FRMD7: variants seen among roughly 807,000 people sequenced by gnomAD.
FRMD7 encodes FERM domain-containing protein 7.
FRMD7 carries 14 observed loss-of-function variants against 44.1 expected under a neutral mutation model. The ratio of observed to expected loss-of-function variants is 0.32; its 90% CI spans 0.21 to 0.50. FRMD7 has a LOEUF of 0.50. FRMD7 is among the 20% of genes least tolerant of loss of function. The probability of loss-of-function intolerance (pLI) is 0.99; values close to 1 mark genes in which losing one functional copy is unlikely to be tolerated. For synonymous variants in FRMD7, 212 were observed against 187.4 expected, an observed-to-expected ratio of 1.13 and a Z score of -1.07; for missense variants, 501 against 522.3, an observed-to-expected ratio of 0.96 and a Z score of 0.40.
chrX:132,114,507 A>G (rs1038540496), intron 1 of FRMD7, among the ~76,000 whole-genome samples: 2 of 112,046 alleles, frequency 1.8e-5, no homozygotes, highest in Non-Finnish European at 3.8e-5. Context: ...TCATTTGTTT[A>G]CCGAATTTTC....
intron 1 of FRMD7, among the ~76,000 whole-genome samples, chrX:132,113,385 T>C (rs1928824401): frequency 1.8e-5 from 2 of 111,071 alleles, no homozygotes; most frequent in South Asian, 7.7e-4. Context: ...ATTTTACAAG[T>C]GGGGAGATTT....
chrX:132,077,890 A>G lies in FRMD7; in HGVS notation c.2127T>C (p.Cys709=). The part of the protein sequence containing the change: ...TAEDRTSLKP[C]NYFLA ...CACACTTTTAAGCTAAAAAGTAATT[A>G]CATGGTTTTAGTGAAGTCCTGTCTT... The change falls in exon 12 of 12, where the codon TGT becomes TGC. Residue 709 remains cysteine (C), a synonymous_variant. Coordinates refer to ENST00000298542, the MANE Select transcript of FRMD7 (RefSeq NM_194277.3). The G allele has an allele frequency of 8.3e-7, 1 of 1,210,254 alleles. No individual in the cohort carries two copies. Among genetic ancestry groups the G allele is most frequent in the South Asian group, 1.8e-5 (1 of 56,966 alleles).
At chrX:132,093,211 T>C (rs1471415334) in intron 5 of FRMD7, among the ~76,000 whole-genome samples, 1 of 112,013 alleles carries the variant, frequency 8.9e-6, no homozygotes, top group Non-Finnish European at 1.9e-5. Flanking sequence ...CCGGTGAAAT[T>C]AGAAATCTGT....
rs180994292 is a variant in FRMD7, at chrX:132,112,530, G to A, written c.58-11814C>T. ...GAGAACAAGCCTTTTAGATGCTTGT[G>A]CACGTGTGAAATTCGCACCAAATTA... On this transcript the variant is annotated intron_variant, in intron 1 of 11. Transcript: ENST00000298542. Among the ~76,000 whole-genome samples, 662 of 111,799 alleles carry A rather than the reference G, an allele frequency of 5.9e-3. 11 individuals carry two copies. Among genetic ancestry groups the A allele is most frequent in the Admixed American group, 0.056 (588 of 10,518 alleles).
chrX:132,127,621 A>C (rs1269681195), intron 1 of FRMD7, among the ~76,000 whole-genome samples, 167 bp downstream of exon 1: 1 of 112,682 alleles, frequency 8.9e-6, no homozygotes, highest in African/African-American at 3.2e-5. Flanking sequence ...GAAAAATATG[A>C]ACTACATTGT....
intron 8 of FRMD7, 29 bp downstream of exon 8, chrX:132,084,461 G>A (rs753587760): frequency 2.0e-5 from 19 of 931,990 alleles, no homozygotes; most frequent in Non-Finnish European, 2.7e-5. Context: ...TGAACAGAAA[G>A]TAAACGAATT....
At chrX:132,106,716 C>T (rs779742326) in intron 1 of FRMD7, among the ~76,000 whole-genome samples, 1 of 112,310 alleles carries the variant, frequency 8.9e-6, no homozygotes, top group South Asian at 3.7e-4. Flanking sequence ...ATCATGTCTT[C>T]TGGAGGAACA....
At chrX:132,088,075 T>G (rs1175750713) in intron 5 of FRMD7, among the ~76,000 whole-genome samples, 1 of 112,232 alleles carries the variant, frequency 8.9e-6, no homozygotes, top group African/African-American at 3.2e-5. Context: ...GGTGAGAAAC[T>G]AAATGCTTTC....
At chrX:132,102,343 C>T (rs1360343900) in intron 1 of FRMD7, among the ~76,000 whole-genome samples, 3 of 111,671 alleles carry the variant, frequency 2.7e-5, no homozygotes, top group Non-Finnish European at 3.8e-5. Context: ...TTATTTCATC[C>T]CTTGCACCTG....
At chrX:132,112,630 A>C (rs1313638001) in intron 1 of FRMD7, among the ~76,000 whole-genome samples, 1 of 111,727 alleles carries the variant, frequency 9.0e-6, no homozygotes, top group Non-Finnish European at 1.9e-5. Flanking sequence ...GGAAGGCTTA[A>C]CGTTTCTTAG....
intron 3 of FRMD7, 58 bp from the exon 4 acceptor site, chrX:132,097,402 TACACACACACAC>T (rs762194321): frequency 3.4e-6 from 2 of 581,224 alleles, no homozygotes; most frequent in Non-Finnish European, 6.0e-6. Context: ...CAGTTATAGG[TACACACACACAC>T]ACACACACAC....
chrX:132,099,576 AATAG>A, intron 2 of FRMD7, 66 bp from the exon 3 acceptor site: 1 of 782,927 alleles, frequency 1.3e-6, no homozygotes, highest in South Asian at 2.2e-5. Context: ...TTTTTTCGGT[AATAG>A]ATAAAGATTA....
chrX:132,115,267 C>A (rs1430080926), intron 1 of FRMD7, among the ~76,000 whole-genome samples: 1 of 112,011 alleles, frequency 8.9e-6, no homozygotes, highest in Non-Finnish European at 1.9e-5. Flanking sequence ...CTGGGGCTGG[C>A]CCCAGATTTA....
chrX:132,095,283 C>A (rs768257431), intron 4 of FRMD7, among the ~76,000 whole-genome samples: 1 of 109,108 alleles, frequency 9.2e-6, no homozygotes, highest in Non-Finnish European at 1.9e-5. Context: ...TTAGTAGATA[C>A]GAGGTTTCAC....
chrX:132,127,893 C>T lies in FRMD7; in HGVS notation c.-49G>A. On this transcript the variant is annotated 5_prime_UTR_variant, in exon 1 of 12. Coordinates refer to ENST00000298542, the MANE Select transcript of FRMD7 (RefSeq NM_194277.3). Reference sequence around the variant, plus strand: ...AAGCAGGCTCAGAGTGCTGTGGGTGCTTTCTCCAGGAATTTCACTCCCAGC... The same window carrying T: ...AAGCAGGCTCAGAGTGCTGTGGGTGTTTTCTCCAGGAATTTCACTCCCAGC... 9.4e-7 allele frequency: 1 copy of T among 1,062,744 alleles called. No homozygotes were observed. The highest frequency in any genetic ancestry group is 1.3e-6 in the Non-Finnish European group (1 of 759,941). The allele number at this position is 1,062,744 out of a possible 1,213,427, so 87.6% of individuals were successfully genotyped here. A position where few individuals can be genotyped will look rare whatever the true frequency, so the allele number is the denominator to read the frequency against.
chrX:132,084,231 G>A (rs998348815), intron 8 of FRMD7, among the ~76,000 whole-genome samples: 1 of 111,842 alleles, frequency 8.9e-6, no homozygotes. Flanking sequence ...GCAGTTTCCA[G>A]GGAGACTTGC....
rs1928623029 is a variant in FRMD7, at chrX:132,105,528, C to G, written c.58-4812G>C. 4.5e-5 allele frequency among the ~76,000 whole-genome samples: 5 copies of G among 111,234 alleles called. No homozygotes were observed. The South Asian group carries it at 1.9e-3, about 42-fold the overall frequency. ...AAAATTTTTTTAAATTCACGTTGAACAAAAAAAGAGCCCAAATAGCCAAGG... is the reference window on the plus strand; with the variant it reads ...AAAATTTTTTTAAATTCACGTTGAAGAAAAAAAGAGCCCAAATAGCCAAGG... On this transcript the variant is annotated intron_variant, in intron 1 of 11. Transcript: ENST00000298542.
At chrX:132,096,562 A>C (rs1928341520) in intron 4 of FRMD7, among the ~76,000 whole-genome samples, 1 of 104,559 alleles carries the variant, frequency 9.6e-6, no homozygotes, top group African/African-American at 3.6e-5. Context: ...AAAAAAAAAA[A>C]AAAACCTTAA....
rs1332489637 is a variant in FRMD7 at position 132,082,486 on chromosome X, C to T, written c.782G>A (p.Arg261Gln). 1 of 1,210,811 alleles carries T rather than the reference C, an allele frequency of 8.3e-7. No individual in the cohort carries two copies. Among genetic ancestry groups the T allele is most frequent in the Non-Finnish European group, 1.1e-6 (1 of 894,359 alleles). ...KDTLEFTMAS[R>Q]DACKAFWKTC... ...CTTCCAGAAAGCCTTGCAGGCATCT[C>T]GGCTGGCCATGGTGAACTCCAAGGT... Residue 261 changes from arginine to glutamine, a missense_variant, in exon 9 of 12, where the codon CGA becomes CAA. Transcript: ENST00000298542.
Sources: allele counts gnomAD v4.1 joint callset (sites outside exome capture counted in the v4.1 genomes callset), GRCh38; gene constraint gnomAD v4.1.1; transcripts MANE v1.5; gene names NCBI Gene and HGNC (gene_info 2026-07-23, HGNC 2026-07-21).